Variants in GLCCI1 observed in about 807,000 individuals in gnomAD.
GLCCI1 encodes glucocorticoid induced 1.
GLCCI1 carries 24 observed loss-of-function variants against 52.2 expected under a neutral mutation model. That is an observed-to-expected ratio of 0.46 (90% CI 0.33 to 0.65). The LOEUF (loss-of-function observed/expected upper bound fraction) is 0.65. Among genes scored for constraint, GLCCI1 ranks in the 30% least tolerant of loss-of-function variants. The pLI is 0.02. For synonymous variants in GLCCI1, 310 were observed against 276.5 expected, an observed-to-expected ratio of 1.12 and a Z score of -1.20; for missense variants, 704 against 701.5, an observed-to-expected ratio of 1.00 and a Z score of -0.04.
intron 5 of GLCCI1, among the ~76,000 whole-genome samples, chr7:8,069,681 G>C (rs1049707938): frequency 2.0e-5 from 3 of 152,208 alleles, no homozygotes; most frequent in Non-Finnish European, 4.4e-5. Context: ...AAGGGCAGCA[G>C]GGGCAGAACT....
At chr7:7,971,343 A>G (rs1780349556) in intron 1 of GLCCI1, among the ~76,000 whole-genome samples, 1 of 152,252 alleles carries the variant, frequency 6.6e-6, no homozygotes, top group South Asian at 2.1e-4. Context: ...TTTCTAACAG[A>G]TTAATGCCAT....
chr7:8,036,275 C>T (rs939514767), intron 3 of GLCCI1, among the ~76,000 whole-genome samples: 7 of 152,158 alleles, frequency 4.6e-5, no homozygotes, highest in Non-Finnish European at 1.0e-4. Context: ...ATTTGAGAAG[C>T]CATCACACAA....
At chr7:7,973,337 AC>A (rs1780394122) in intron 1 of GLCCI1, among the ~76,000 whole-genome samples, 1 of 151,892 alleles carries the variant, frequency 6.6e-6, no homozygotes, top group African/African-American at 2.4e-5. Flanking sequence ...ACAGACCAGA[AC>A]CCATGGATTT....
chr7:8,082,565 C>T (rs993138814), intron 6 of GLCCI1, among the ~76,000 whole-genome samples: 5 of 152,048 alleles, frequency 3.3e-5, no homozygotes, highest in African/African-American at 1.2e-4. Flanking sequence ...CAAGCTTTGC[C>T]TTTCCAGACC....
At chr7:8,022,624 T>C in intron 3 of GLCCI1, 55 bp downstream of exon 3, 1 of 1,062,748 alleles carries the variant, frequency 9.4e-7, no homozygotes, top group Non-Finnish European at 1.3e-6. Context: ...TAGATTACCT[T>C]AGTATTTCCT....
Position 8,058,603 on chromosome 7 carries a change from G to C in GLCCI1, c.814-1493G>C, listed in dbSNP as rs141718567. 5.6e-3 allele frequency among the ~76,000 whole-genome samples: 850 copies of C among 152,218 alleles called. 3 individuals are homozygous for C. The highest frequency in any genetic ancestry group is 0.019 in the African/African-American group (793 of 41,540). ...GGGGCAATTGGATTACTGTGTGGGG[G>C]AAATAATACTGAGACTTTACACCAT... On this transcript the variant is annotated intron_variant, in intron 4 of 7. Coordinates refer to ENST00000223145, the MANE Select transcript of GLCCI1 (RefSeq NM_138426.4).
At chr7:8,075,989 T>C (rs892052991) in intron 6 of GLCCI1, among the ~76,000 whole-genome samples, 1 of 152,156 alleles carries the variant, frequency 6.6e-6, no homozygotes, top group East Asian at 1.9e-4. Context: ...AAATCAAAAG[T>C]ATTAATTTTG....
In GLCCI1 at chr7:8,064,704, ATTTTAT is replaced by A. The variant is rs1015625554; in HGVS notation, c.966+4467_966+4472del. On this transcript the variant is annotated intron_variant, in intron 5 of 7. Coordinates refer to ENST00000223145, the MANE Select transcript of GLCCI1 (RefSeq NM_138426.4). Reference sequence around the variant, plus strand: ...ATTGCTTTGGACAGTATGGCTTTTTATTTTATTTTTATTTTTTTGGAGACAGAGTCT... The same window carrying A: ...ATTGCTTTGGACAGTATGGCTTTTTATTTTATTTTTTTGGAGACAGAGTCT... Among the ~76,000 whole-genome samples, 6 of 151,662 alleles carry A rather than the reference ATTTTAT, an allele frequency of 4.0e-5. No homozygotes were observed. In the East Asian group the frequency reaches 7.7e-4, roughly 20 times the overall value.
chr7:8,032,479 C>T (rs997208168), intron 3 of GLCCI1, among the ~76,000 whole-genome samples: 1 of 151,936 alleles, frequency 6.6e-6, no homozygotes, highest in Non-Finnish European at 1.5e-5. Flanking sequence ...GCAGAGATCA[C>T]TAAAGTTGAA....
At chr7:8,073,159 A>G (rs1311348634) in intron 6 of GLCCI1, among the ~76,000 whole-genome samples, 1 of 152,150 alleles carries the variant, frequency 6.6e-6, no homozygotes, top group Non-Finnish European at 1.5e-5. Context: ...GACCATAGGA[A>G]TGCATTTGAA....
chr7:7,987,713 G>A (rs146747602), intron 1 of GLCCI1, among the ~76,000 whole-genome samples: 163 of 152,140 alleles, frequency 1.1e-3, no homozygotes, highest in African/African-American at 3.8e-3. Flanking sequence ...TGAGCCTCCC[G>A]AGTAGCTAGG....
chr7:8,037,798 T>G (rs1413308498), intron 3 of GLCCI1, among the ~76,000 whole-genome samples: 2 of 151,960 alleles, frequency 1.3e-5, no homozygotes, highest in Non-Finnish European at 2.9e-5. Flanking sequence ...AAAGATAAGG[T>G]CATTATATAA....
At position 8,071,060 on chromosome 7, in the gene GLCCI1, C is replaced by G. The variant is rs1782751039; in HGVS notation, c.1106C>G (p.Pro369Arg). Residue 369 changes from proline to arginine, a missense_variant, in exon 6 of 8, where the codon CCT (proline) becomes CGT (arginine). This residue lies in a region of GLCCI1 where 547 missense variants were observed against 524.8 expected (regional missense o/e 1.04). Transcript: ENST00000223145. ...SCSSHSPCVS[P>R]FCPPESQDGS... ...AGCAGTCATTCACCCTGTGTCTCCC[C>G]TTTTTGTCCCCCGGAATCCCAGGAT... 4 of 1,614,204 alleles carry G rather than the reference C, an allele frequency of 2.5e-6. No individual in the cohort carries two copies. Among genetic ancestry groups the G allele is most frequent in the Non-Finnish European group, 3.4e-6 (4 of 1,180,016 alleles).
chr7:7,977,961 C>T (rs1026659369), intron 1 of GLCCI1, among the ~76,000 whole-genome samples: 1 of 152,180 alleles, frequency 6.6e-6, no homozygotes, highest in African/African-American at 2.4e-5. Context: ...AAAGTATGCA[C>T]AATGTATTAT....
intron 2 of GLCCI1, among the ~76,000 whole-genome samples, chr7:8,009,336 T>A (rs1469887507): frequency 6.6e-6 from 1 of 151,940 alleles, no homozygotes; most frequent in African/African-American, 2.4e-5. Context: ...CTGGACAAAT[T>A]TTAAATTCTG....
intron 5 of GLCCI1, among the ~76,000 whole-genome samples, chr7:8,062,098 G>A (rs1267963061): frequency 6.6e-6 from 1 of 152,102 alleles, no homozygotes; most frequent in Non-Finnish European, 1.5e-5. Context: ...TCCTCAAAAA[G>A]CAAAACTATA....
chr7:7,982,171 A>G, intron 1 of GLCCI1: 1 of 312,720 alleles, frequency 3.2e-6, no homozygotes, highest in South Asian at 3.3e-5. Context: ...AGGAGTAAAA[A>G]GAGACTGAAG....
At chr7:8,080,546 C>G (rs912991160) in intron 6 of GLCCI1, among the ~76,000 whole-genome samples, 3 of 151,370 alleles carry the variant, frequency 2.0e-5, no homozygotes, top group Non-Finnish European at 4.4e-5. Flanking sequence ...GAGTTCATGT[C>G]AGGCAGTTAT....
At chr7:8,040,438 T>C (rs1781972185) in intron 3 of GLCCI1, among the ~76,000 whole-genome samples, 1 of 151,100 alleles carries the variant, frequency 6.6e-6, no homozygotes, top group African/African-American at 2.4e-5. Flanking sequence ...GTGGACTATC[T>C]ATGATCATGC....
Sources: gnomAD v4.1 joint callset for allele counts (sites outside exome capture counted in the v4.1 genomes callset) on GRCh38, gnomAD v4.1.1 for gene constraint, gnomAD v4.1.1 regional missense constraint, MANE v1.5 for transcripts, NCBI Gene and HGNC (gene_info 2026-07-23, HGNC 2026-07-21) for gene names.